Variants in PABPC4L observed in about 807,000 individuals in gnomAD.
PABPC4L encodes poly(A) binding protein cytoplasmic 4 like.
For missense variants in PABPC4L, 452 were observed against 451.4 expected (o/e 1.00, Z -0.01); for synonymous variants, 169 against 164.1 (o/e 1.03, Z -0.23).
the PABPC4L span, among the ~76,000 whole-genome samples, chr4:134,147,009 G>A: frequency 6.6e-6 from 1 of 152,090 alleles, no homozygotes. Context: ...TCAAAAGCCA[G>A]AAACATGTTA....
chr4:133,955,905 T>G, the PABPC4L span, among the ~76,000 whole-genome samples: 1 of 152,202 alleles, frequency 6.6e-6, no homozygotes, highest in Non-Finnish European at 1.5e-5. Context: ...TCTCTATGTT[T>G]TCATTTAACC....
chr4:134,197,388 T>C lies in PABPC4L; in HGVS notation c.*2519A>G, dbSNP rs1442222508. The C allele has an allele frequency of 6.6e-6, 1 of 151,702 alleles. No homozygotes were observed. Among genetic ancestry groups the C allele is most frequent in the Non-Finnish European group, 1.5e-5 (1 of 67,678 alleles). 9.4% of individuals were successfully genotyped at this position (151,702 alleles called of 1,614,324 possible). A position where few individuals can be genotyped will look rare whatever the true frequency, so the allele number is the denominator to read the frequency against. On this transcript the variant is annotated 3_prime_UTR_variant, in exon 2 of 2. Transcript: ENST00000421491. ...CTGAAAGTCATAAACACAATACAGA[T>C]AAATTGTGTGGGTGTATATATATTT...
chr4:134,026,346 C>T, the PABPC4L span, among the ~76,000 whole-genome samples: 1 of 151,916 alleles, frequency 6.6e-6, no homozygotes, highest in African/African-American at 2.4e-5. Context: ...AGTGATTCTC[C>T]TCCCTCAGCC....
At chr4:134,068,532 A>G in the PABPC4L span, among the ~76,000 whole-genome samples, 3 of 152,054 alleles carry the variant, frequency 2.0e-5, no homozygotes, top group Non-Finnish European at 4.4e-5. Flanking sequence ...CAAGGTTAAT[A>G]TTGGTATGTA....
chr4:134,195,024 C>T (rs994079909), downstream of PABPC4L, among the ~76,000 whole-genome samples: 6 of 151,630 alleles, frequency 4.0e-5, no homozygotes, highest in Non-Finnish European at 8.9e-5. Context: ...TAACTGATGG[C>T]CTTTTGCCAA....
the PABPC4L span, among the ~76,000 whole-genome samples, chr4:134,122,248 C>A: frequency 7.9e-5 from 12 of 151,784 alleles, no homozygotes; most frequent in Non-Finnish European, 1.5e-5. Context: ...TTCCATTATA[C>A]TAAAATGATT....
At chr4:134,010,186 A>G in the PABPC4L span, among the ~76,000 whole-genome samples, 22,614 of 151,954 alleles carry the variant, frequency 0.15, 1,977 homozygotes, top group Non-Finnish European at 0.19. Context: ...TAAGGGTATA[A>G]TAATTATATT....
At chr4:134,000,932 C>A in the PABPC4L span, among the ~76,000 whole-genome samples, 1 of 152,226 alleles carries the variant, frequency 6.6e-6, no homozygotes, top group East Asian at 1.9e-4. Flanking sequence ...GATTTTGAGA[C>A]TTCTTGGCTT....
the PABPC4L span, among the ~76,000 whole-genome samples, chr4:134,088,328 G>A: frequency 6.6e-6 from 1 of 151,998 alleles, no homozygotes. Flanking sequence ...TGGTTCAAAA[G>A]CACCTCTACT....
chr4:134,014,578 C>T, the PABPC4L span, among the ~76,000 whole-genome samples: 1 of 152,100 alleles, frequency 6.6e-6, no homozygotes, highest in Non-Finnish European at 1.5e-5. Flanking sequence ...CTCCCAGAGC[C>T]CCTGGAACTC....
At chr4:134,088,139 C>A in the PABPC4L span, among the ~76,000 whole-genome samples, 4 of 152,046 alleles carry the variant, frequency 2.6e-5, no homozygotes, top group African/African-American at 9.7e-5. Context: ...ATTGTTATAT[C>A]CTCCTCATCT....
chr4:134,130,971 G>T, the PABPC4L span, among the ~76,000 whole-genome samples: 4 of 151,988 alleles, frequency 2.6e-5, no homozygotes, highest in South Asian at 2.1e-4. Flanking sequence ...TACAGAAAAA[G>T]AATTTCACAA....
the PABPC4L span, among the ~76,000 whole-genome samples, chr4:134,133,989 T>C: frequency 6.6e-6 from 1 of 151,964 alleles, no homozygotes; most frequent in African/African-American, 2.4e-5. Flanking sequence ...AATTTTTAAC[T>C]TAAATATTAC....
chr4:134,146,853 C>T, the PABPC4L span, among the ~76,000 whole-genome samples: 5 of 151,898 alleles, frequency 3.3e-5, no homozygotes, highest in African/African-American at 1.2e-4. Flanking sequence ...AGTAAGATGG[C>T]AATGGAAGTT....
the PABPC4L span, among the ~76,000 whole-genome samples, chr4:133,970,608 A>C: frequency 1.3e-5 from 2 of 152,068 alleles, no homozygotes; most frequent in Non-Finnish European, 2.9e-5. Flanking sequence ...TTTCAGTTGA[A>C]CCAGTCTCAG....
At chr4:134,164,060 G>T in the PABPC4L span, among the ~76,000 whole-genome samples, 17,079 of 151,068 alleles carry the variant, frequency 0.11, 1,436 homozygotes, top group Non-Finnish European at 0.18. Context: ...TCAGGAGATC[G>T]AGACCATCCC....
chr4:134,191,512 AATG>A (rs1350949989), downstream of PABPC4L, among the ~76,000 whole-genome samples: 9 of 152,286 alleles, frequency 5.9e-5, no homozygotes, highest in Admixed American at 5.9e-4. Context: ...ACCACAATGG[AATG>A]ATATTATAAA....
At chr4:134,149,951 A>C in the PABPC4L span, among the ~76,000 whole-genome samples, 1 of 152,228 alleles carries the variant, frequency 6.6e-6, no homozygotes, top group South Asian at 2.1e-4. Context: ...TATCTATTGC[A>C]GGAAGAGGGA....
chr4:134,016,316 G>T, the PABPC4L span, among the ~76,000 whole-genome samples: 1 of 151,958 alleles, frequency 6.6e-6, no homozygotes, highest in African/African-American at 2.4e-5. Flanking sequence ...TCCATATCCT[G>T]CACCATCATG....
Sources: gnomAD v4.1 joint callset for allele counts (sites outside exome capture counted in the v4.1 genomes callset) on GRCh38, gnomAD v4.1.1 for gene constraint, MANE v1.5 for transcripts, NCBI Gene and HGNC (gene_info 2026-07-23, HGNC 2026-07-21) for gene names.